Variants in GALNT18 observed in about 807,000 individuals in gnomAD.
GALNT18 encodes GalNAc-transferase 18.
A neutral mutation model predicts 69.5 loss-of-function variants in GALNT18; 44 were observed. The ratio of observed to expected loss-of-function variants is 0.63; its 90% CI spans 0.50 to 0.81. The LOEUF (loss-of-function observed/expected upper bound fraction) is 0.81. Among genes scored for constraint, GALNT18 ranks in the 40% least tolerant of loss-of-function variants. The pLI, the probability that GALNT18 is intolerant of heterozygous loss-of-function variation, is 0.00. For missense variants in GALNT18, 715 were observed against 810.0 expected (o/e 0.88, Z 1.42); for synonymous variants, 364 against 318.2 (o/e 1.14, Z -1.53).
chr11:11,481,473 C>T (rs1856529036), intron 1 of GALNT18, among the ~76,000 whole-genome samples: 1 of 152,178 alleles, frequency 6.6e-6, no homozygotes, highest in Non-Finnish European at 1.5e-5. Flanking sequence ...GAGATTAGGA[C>T]CAAATCCTGA....
In GALNT18 at chr11:11,620,332, CGT is replaced by C. The variant is rs1292077640; in HGVS notation, c.235+1025_235+1026del. Among the ~76,000 whole-genome samples the C allele has an allele frequency of 0.12, 10,485 of 88,344 alleles. 487 individuals are homozygous for C. Among genetic ancestry groups the C allele is most frequent in the Admixed American group, 0.22 (1,970 of 8,828 alleles). 58.0% of individuals were successfully genotyped at this position (88,344 alleles called of 152,430 possible). A position where few individuals can be genotyped will look rare whatever the true frequency, so the allele number is the denominator to read the frequency against. ...GTGGACGTGAGCGCGCGCGCGCGCG[CGT>C]GTGTGTGTGTGTGTGCACACCCGGC... On this transcript the variant is annotated intron_variant, in intron 1 of 10. Coordinates refer to ENST00000227756, the MANE Select transcript of GALNT18 (RefSeq NM_198516.3). The surrounding 1 kb of genome is among the most constrained non-coding windows in gnomAD (Gnocchi z 6.9).
intron 6 of GALNT18, among the ~76,000 whole-genome samples, chr11:11,368,374 G>A (rs1476447563): frequency 6.6e-6 from 1 of 152,052 alleles, no homozygotes; most frequent in Non-Finnish European, 1.5e-5. Flanking sequence ...AAAATTTTAA[G>A]CCATCATTTA....
At chr11:11,274,804 G>A (rs908531812) in intron 10 of GALNT18, among the ~76,000 whole-genome samples, 3 of 152,122 alleles carry the variant, frequency 2.0e-5, no homozygotes, top group African/African-American at 7.2e-5. Context: ...CGTGGTGTTT[G>A]GTTTTCTGTT....
intron 9 of GALNT18, among the ~76,000 whole-genome samples, chr11:11,305,402 A>G (rs1849561843): frequency 6.6e-6 from 1 of 152,208 alleles, no homozygotes; most frequent in African/African-American, 2.4e-5. Flanking sequence ...TTCCTCCCCA[A>G]ATAATCACAC....
At position 11,332,046 on chromosome 11, in the gene GALNT18, C is replaced by T. The variant is rs570879393; in HGVS notation, c.1416+648G>A. ...CTCTACGGGGATAGTATTGAATTAC[C>T]CCCATTTAACAGGTGAAGAAACTGA... On this transcript the variant is annotated intron_variant, in intron 8 of 10. Coordinates refer to ENST00000227756, the MANE Select transcript of GALNT18 (RefSeq NM_198516.3). The surrounding 1 kb of genome is among the most constrained non-coding windows in gnomAD (Gnocchi z 4.3). 6.6e-5 allele frequency among the ~76,000 whole-genome samples: 10 copies of T among 151,886 alleles called. No individual in the cohort carries two copies. The highest frequency in any genetic ancestry group is 2.4e-4 in the African/African-American group (10 of 41,416).
intron 1 of GALNT18, among the ~76,000 whole-genome samples, chr11:11,517,951 T>C (rs1857318071): frequency 6.6e-6 from 1 of 152,242 alleles, no homozygotes; most frequent in Non-Finnish European, 1.5e-5. Context: ...TGGTGCATTG[T>C]AAGTCATCCT....
At chr11:11,386,409 G>T (rs1335814207) in intron 3 of GALNT18, among the ~76,000 whole-genome samples, 3 of 147,136 alleles carry the variant, frequency 2.0e-5, no homozygotes, top group Non-Finnish European at 4.6e-5. Context: ...GATCTCCCTG[G>T]CTTCTGGGAA....
intron 1 of GALNT18, among the ~76,000 whole-genome samples, chr11:11,462,457 T>A (rs80314803): frequency 0.071 from 10,698 of 151,546 alleles, 478 homozygotes; most frequent in African/African-American, 0.14. Context: ...TTTATTTATT[T>A]ATTTTTTATT....
At chr11:11,594,816 CAT>C (rs1206038267) in intron 1 of GALNT18, among the ~76,000 whole-genome samples, 15,084 of 121,466 alleles carry the variant, frequency 0.12, 1,009 homozygotes, top group Middle Eastern at 0.19. Flanking sequence ...TTATCTTGGG[CAT>C]ATATATATAT....
intron 10 of GALNT18, among the ~76,000 whole-genome samples, chr11:11,292,179 C>A (rs1452702762): frequency 6.6e-6 from 1 of 152,160 alleles, no homozygotes; most frequent in African/African-American, 2.4e-5. Flanking sequence ...GGCTCCACAA[C>A]CCCATGGGCT....
intron 1 of GALNT18, among the ~76,000 whole-genome samples, chr11:11,581,189 C>A (rs1859072269): frequency 6.6e-6 from 1 of 152,170 alleles, no homozygotes; most frequent in Non-Finnish European, 1.5e-5. Context: ...TGGGGCAGGG[C>A]TGGAGTAGGG....
chr11:11,272,729 G>A (rs1848852384), intron 10 of GALNT18, among the ~76,000 whole-genome samples: 1 of 151,184 alleles, frequency 6.6e-6, no homozygotes, highest in Non-Finnish European at 1.5e-5. Flanking sequence ...AGTCTCTACT[G>A]CCCACCCATG....
intron 1 of GALNT18, among the ~76,000 whole-genome samples, chr11:11,581,131 CAG>C (rs1432275552): frequency 6.6e-6 from 1 of 152,184 alleles, no homozygotes; most frequent in Non-Finnish European, 1.5e-5. Flanking sequence ...CTGCGGCAGC[CAG>C]AGAGACTTCC....
At chr11:11,504,472 C>A (rs1274120058) in intron 1 of GALNT18, among the ~76,000 whole-genome samples, 2 of 151,984 alleles carry the variant, frequency 1.3e-5, no homozygotes, top group African/African-American at 2.4e-5. Flanking sequence ...TAAATCAGGT[C>A]ATCACCGGGC....
chr11:11,478,930 AGGTGGCATCTCCCG>A (rs1856462628), intron 1 of GALNT18, among the ~76,000 whole-genome samples: 1 of 7,468 alleles, frequency 1.3e-4, no homozygotes, highest in African/African-American at 2.1e-4. Context: ...TCTCCCGCGG[AGGTGGCATCTCCCG>A]CGGAGGTGGC....
At chr11:11,417,334 G>A (rs1475361562) in intron 3 of GALNT18, among the ~76,000 whole-genome samples, 1 of 152,232 alleles carries the variant, frequency 6.6e-6, no homozygotes, top group Non-Finnish European at 1.5e-5. Context: ...TTTCTGAGAA[G>A]TGAAGAACAA....
rs183510616 is a variant in GALNT18 at position 11,505,789 on chromosome 11, G to A, written c.236-56853C>T. Among the ~76,000 whole-genome samples, 5 of 152,240 alleles carry A rather than the reference G, an allele frequency of 3.3e-5. No individual in the cohort carries two copies. The highest frequency in any genetic ancestry group is 1.2e-4 in the African/African-American group (5 of 41,542). ...CTTCATTTGCATGCCTTCAAGTTCT[G>A]TCTATGCTTTCTTCCCACTGTTTCA... On this transcript the variant is annotated intron_variant, in intron 1 of 10. Transcript: ENST00000227756. This position sits in a 1 kb window ranked among gnomAD's most constrained non-coding sequence, Gnocchi z 4.6.
At chr11:11,300,952 C>T (rs1849483498) in intron 9 of GALNT18, among the ~76,000 whole-genome samples, 1 of 152,172 alleles carries the variant, frequency 6.6e-6, no homozygotes, top group Admixed American at 6.5e-5. Context: ...CAACACACAC[C>T]CTTCTGGATT....
At chr11:11,477,711 C>T (rs556681645) in intron 1 of GALNT18, among the ~76,000 whole-genome samples, 30 of 152,304 alleles carry the variant, frequency 2.0e-4, no homozygotes, top group East Asian at 9.6e-4. Flanking sequence ...AATTTATATA[C>T]GACTTATGAC....
Sources: allele counts gnomAD v4.1 joint callset (sites outside exome capture counted in the v4.1 genomes callset), GRCh38; gene constraint gnomAD v4.1.1; non-coding constraint Gnocchi (gnomAD v3.1); transcripts MANE v1.5; gene names NCBI Gene and HGNC (gene_info 2026-07-23, HGNC 2026-07-21).